MOK: variants seen among roughly 807,000 people sequenced by gnomAD.
MOK encodes the protein MOK protein kinase, also known as MAPK/MAK/MRK overlapping kinase.
A neutral mutation model predicts 54.2 loss-of-function variants in MOK; 59 were observed. That is an observed-to-expected ratio of 1.09 (90% confidence interval 0.88 to 1.35). The LOEUF (loss-of-function observed/expected upper bound fraction) is 1.35. MOK is among the 40% of genes most tolerant of loss of function. MOK has a pLI of 0.00. For synonymous variants in MOK, 210 were observed against 202.7 expected (o/e 1.04, Z -0.31); for missense variants, 517 against 526.2 (o/e 0.98, Z 0.17).
chr14:102,296,634 T>C (rs2071446584), intron 1 of MOK, among the ~76,000 whole-genome samples: 2 of 152,114 alleles, frequency 1.3e-5, no homozygotes, highest in Non-Finnish European at 2.9e-5. Flanking sequence ...CATCTACTTA[T>C]AAAAACAGAA....
rs1277058357 is a variant in MOK at position 102,238,954 on chromosome 14, C to T, written c.591-5165G>A. Among the ~76,000 whole-genome samples the T allele has an allele frequency of 2.0e-5, 3 of 152,174 alleles. No homozygotes were observed. The highest frequency in any genetic ancestry group is 2.9e-5 in the Non-Finnish European group (2 of 68,028). On this transcript the variant is annotated intron_variant, in intron 7 of 11. Transcript: ENST00000361847. The surrounding 1 kb of genome is among the most constrained non-coding windows in gnomAD (Gnocchi z 4.8). ...AAATAGACTTCACCCACATGCCTCC[C>T]GTCAAAAACACAAGACTACTTCTCA... is the stretch of plus-strand genomic sequence containing the variant.
At chr14:102,222,416 G>T (rs369229887), downstream of MOK, among the ~76,000 whole-genome samples, 1 of 152,222 alleles carries the variant, frequency 6.6e-6, no homozygotes, top group African/African-American at 2.4e-5. The surrounding 1 kb of genome is among the most constrained non-coding windows in gnomAD (Gnocchi z 4.4). Context: ...CCCTGGCTCC[G>T]AGGGACTGGG....
downstream of MOK, chr14:102,224,756 A>ACTC (rs1567116337): frequency 4.4e-5 from 20 of 455,892 alleles, no homozygotes; most frequent in South Asian, 3.1e-4. Flanking sequence ...GCCAGCAGGG[A>ACTC]CTCTGGATCA....
At chr14:102,296,016 C>T (rs924756252) in intron 1 of MOK, among the ~76,000 whole-genome samples, 2 of 151,984 alleles carry the variant, frequency 1.3e-5, no homozygotes, top group African/African-American at 2.4e-5. Flanking sequence ...GAGACCAAGA[C>T]GGGTCGATCA....
chr14:102,243,887 A>G (rs571927497), intron 7 of MOK, among the ~76,000 whole-genome samples: 2 of 152,250 alleles, frequency 1.3e-5, no homozygotes, highest in South Asian at 2.1e-4. Flanking sequence ...TTCCACATCT[A>G]TCATTGAGGC....
At chr14:102,266,362 T>C (rs1468415215) in intron 2 of MOK, among the ~76,000 whole-genome samples, 1 of 150,208 alleles carries the variant, frequency 6.7e-6, no homozygotes, top group Non-Finnish European at 1.5e-5. Flanking sequence ...TGGAGTGCAA[T>C]GGTGCAATCA....
rs1345811832 is a variant in MOK, at chr14:102,240,951, A to G, written c.591-7162T>C. Among the ~76,000 whole-genome samples the G allele has an allele frequency of 6.6e-6, 1 of 152,208 alleles. No individual in the cohort carries two copies. Among genetic ancestry groups the G allele is most frequent in the Non-Finnish European group, 1.5e-5 (1 of 68,036 alleles). On this transcript the variant is annotated intron_variant, in intron 7 of 11. Transcript: ENST00000361847. This position sits in a 1 kb window ranked among gnomAD's most constrained non-coding sequence, Gnocchi z 5.4. ...AACCTCTTCAACTCTTGCCTGACCT[A>G]AAACCTAAGTGTCTTCGCCAACACC...
In MOK at chr14:102,236,307, CTT is replaced by C. The variant is rs1227918619; in HGVS notation, c.591-2520_591-2519del. ...CTGCGAGTAGCAGGTAAGCCGATCT[CTT>C]TTTAAATTGATAGCGGGGCCACCTA... On this transcript the variant is annotated intron_variant, in intron 7 of 11. Coordinates refer to ENST00000361847, the MANE Select transcript of MOK (RefSeq NM_014226.3). The surrounding 1 kb of genome is among the most constrained non-coding windows in gnomAD (Gnocchi z 4.5). Among the ~76,000 whole-genome samples, 1 of 152,210 alleles carries C rather than the reference CTT, an allele frequency of 6.6e-6. No homozygotes were observed. Among genetic ancestry groups the C allele is most frequent in the Non-Finnish European group, 1.5e-5 (1 of 68,032 alleles).
intron 1 of MOK, among the ~76,000 whole-genome samples, chr14:102,284,989 A>C (rs1285784192): frequency 2.6e-5 from 4 of 151,406 alleles, no homozygotes; most frequent in Non-Finnish European, 4.4e-5. Context: ...AGGGTGGGGC[A>C]GGAGAATCCC....
downstream of MOK, chr14:102,225,623 GT>G (rs1245640637): frequency 6.5e-6 from 1 of 153,642 alleles, no homozygotes. Flanking sequence ...GGCCATCACT[GT>G]ACTAACGCTG....
downstream of MOK, among the ~76,000 whole-genome samples, chr14:102,228,670 A>T (rs115442397): frequency 4.1e-3 from 563 of 138,360 alleles, 3 homozygotes; most frequent in African/African-American, 0.015. Flanking sequence ...TTGCACTCCA[A>T]CCTGGGCAAT....
intron 1 of MOK, among the ~76,000 whole-genome samples, chr14:102,300,901 A>G (rs1447674214): frequency 6.6e-6 from 1 of 152,190 alleles, no homozygotes; most frequent in Non-Finnish European, 1.5e-5. Context: ...GTTCTTGACC[A>G]GCCTGAACAA....
In MOK at chr14:102,240,261, T is replaced by TA. The variant is rs2065603402; in HGVS notation, c.591-6473dup. ...TCAGCCCGCCTGCACCCAGGTGAAA[T>TA]AAACAGCCTTGTTGCTCACACAAAG... On this transcript the variant is annotated intron_variant, in intron 7 of 11. Transcript: ENST00000361847. This position sits in a 1 kb window ranked among gnomAD's most constrained non-coding sequence, Gnocchi z 5.4. 6.6e-6 allele frequency among the ~76,000 whole-genome samples: 1 copy of TA among 152,162 alleles called. No individual in the cohort carries two copies. Among genetic ancestry groups the TA allele is most frequent in the African/African-American group, 2.4e-5 (1 of 41,444 alleles).
chr14:102,222,124 C>T (rs937881300), downstream of MOK, among the ~76,000 whole-genome samples: 8 of 151,486 alleles, frequency 5.3e-5, no homozygotes, highest in Admixed American at 2.0e-4. This position sits in a 1 kb window ranked among gnomAD's most constrained non-coding sequence, Gnocchi z 4.4. Context: ...CAGCAGGAGC[C>T]GCCCTAAAGA....
intron 1 of MOK, among the ~76,000 whole-genome samples, chr14:102,290,381 G>A (rs1414695982): frequency 2.6e-5 from 4 of 151,628 alleles, no homozygotes; most frequent in Non-Finnish European, 2.9e-5. Flanking sequence ...AGGAGGTTGC[G>A]GTGAGCCGAG....
chr14:102,233,238 C>T (rs1305317062), intron 8 of MOK: 1 of 161,100 alleles, frequency 6.2e-6, no homozygotes, highest in African/African-American at 2.4e-5. Flanking sequence ...CAGGCCCTCC[C>T]TGGGAAGTCC....
chr14:102,220,059 T>C (rs1233826613), downstream of MOK, among the ~76,000 whole-genome samples: 1 of 152,250 alleles, frequency 6.6e-6, no homozygotes, highest in African/African-American at 2.4e-5. This position sits in a 1 kb window ranked among gnomAD's most constrained non-coding sequence, Gnocchi z 4.2. Flanking sequence ...AGCCCTCGCG[T>C]TGGGTCGCTT....
Position 102,298,722 on chromosome 14 carries a change from C to T in MOK, c.7+6240G>A, listed in dbSNP as rs1485659305. 2.6e-5 allele frequency among the ~76,000 whole-genome samples: 4 copies of T among 152,166 alleles called. 1 individual carries two copies. Among genetic ancestry groups the T allele is most frequent in the Non-Finnish European group, 5.9e-5 (4 of 68,032 alleles). On this transcript the variant is annotated intron_variant, in intron 1 of 11. Coordinates refer to ENST00000361847, the MANE Select transcript of MOK (RefSeq NM_014226.3). ...GCCAGCAGTGGCAACATGCTCCAGT[C>T]CCCTTCCACAATGTGGAAGCTTTGT... is the stretch of plus-strand genomic sequence containing the variant.
intron 1 of MOK, among the ~76,000 whole-genome samples, chr14:102,297,946 A>T (rs1315637646): frequency 2.0e-5 from 3 of 152,194 alleles, no homozygotes; most frequent in Non-Finnish European, 4.4e-5. Context: ...TCAGACCTGC[A>T]TCCCGCCATG....
Sources: gnomAD v4.1 joint callset for allele counts (sites outside exome capture counted in the v4.1 genomes callset) on GRCh38, gnomAD v4.1.1 for gene constraint, Gnocchi (gnomAD v3.1) non-coding constraint, MANE v1.5 for transcripts, NCBI Gene and HGNC (gene_info 2026-07-23, HGNC 2026-07-21) for gene names.